The following CCDC63 variants were observed in gnomAD, a reference collection of about 807,000 sequenced individuals.
The protein encoded by CCDC63 is coiled-coil domain-containing protein 63.
In CCDC63, 54 loss-of-function variants were observed where a neutral mutation model predicts 63.6. That is an observed-to-expected ratio of 0.85 (90% CI 0.68 to 1.07). CCDC63 has a LOEUF of 1.07. Among genes scored for constraint, CCDC63 ranks in the 50% least tolerant of loss-of-function variants. The pLI is 0.00. For missense variants in CCDC63, 637 were observed against 689.6 expected, an observed-to-expected ratio of 0.92 and a Z score of 0.86; for synonymous variants, 253 against 266.1, an observed-to-expected ratio of 0.95 and a Z score of 0.48.
At chr12:110,850,437 T>C (rs1436150959) in intron 1 of CCDC63, among the ~76,000 whole-genome samples, 2 of 152,192 alleles carry the variant, frequency 1.3e-5, no homozygotes, top group African/African-American at 4.8e-5. Context: ...ATCTATCTCA[T>C]CCTTGCTTTT....
At chr12:110,874,593 CCT>C (rs752665120) in intron 5 of CCDC63, among the ~76,000 whole-genome samples, 2 of 152,238 alleles carry the variant, frequency 1.3e-5, no homozygotes, top group Non-Finnish European at 2.9e-5. Context: ...GTCCACCTCT[CCT>C]CTGAGTGGAT....
chr12:110,875,939 AAAAAAT>A (rs1258760640), intron 5 of CCDC63, among the ~76,000 whole-genome samples: 4 of 152,046 alleles, frequency 2.6e-5, no homozygotes, highest in African/African-American at 9.7e-5. Context: ...TAAAAATACA[AAAAAAT>A]AAAAATAAAA....
chr12:110,898,390 A>G (rs962888472), intron 9 of CCDC63, among the ~76,000 whole-genome samples: 4 of 151,438 alleles, frequency 2.6e-5, no homozygotes, highest in African/African-American at 7.3e-5. Flanking sequence ...TGAGAGGCCA[A>G]CGTGGGCAGA....
intron 7 of CCDC63, among the ~76,000 whole-genome samples, chr12:110,881,653 C>T (rs923746645): frequency 5.3e-5 from 8 of 151,710 alleles, no homozygotes; most frequent in Admixed American, 2.6e-4. Flanking sequence ...ACCCAGGAGG[C>T]AGAGGTTGCA....
intron 1 of CCDC63, among the ~76,000 whole-genome samples, chr12:110,847,760 G>A (rs79970822): frequency 0.016 from 2,375 of 152,320 alleles, 60 homozygotes; most frequent in African/African-American, 0.055. Context: ...GGCTCAATAT[G>A]ATCCACATAG....
chr12:110,855,837 T>C (rs1230373709), intron 3 of CCDC63, among the ~76,000 whole-genome samples: 1 of 152,160 alleles, frequency 6.6e-6, no homozygotes, highest in African/African-American at 2.4e-5. Flanking sequence ...CGCCTCGGCC[T>C]CCCAAAGTGC....
chr12:110,858,991 G>A (rs1304948094), intron 4 of CCDC63, among the ~76,000 whole-genome samples: 1 of 152,052 alleles, frequency 6.6e-6, no homozygotes, highest in African/African-American at 2.4e-5. Context: ...TCCCTCCGCC[G>A]TGCTCCCCAG....
chr12:110,864,787 A>G (rs2070918926), intron 4 of CCDC63, among the ~76,000 whole-genome samples: 1 of 152,138 alleles, frequency 6.6e-6, no homozygotes, highest in Non-Finnish European at 1.5e-5. Flanking sequence ...GCTGGGGTGG[A>G]GACCACCTTC....
chr12:110,897,417 A>G (rs1232684086), intron 9 of CCDC63, among the ~76,000 whole-genome samples: 1 of 151,816 alleles, frequency 6.6e-6, no homozygotes, highest in Admixed American at 6.6e-5. Flanking sequence ...GCAAGATCCC[A>G]TCTCTACAAA....
chr12:110,861,576 G>C (rs1357909972), intron 4 of CCDC63, among the ~76,000 whole-genome samples: 2 of 151,802 alleles, frequency 1.3e-5, no homozygotes, highest in East Asian at 3.9e-4. Flanking sequence ...CAGCTCAAAT[G>C]CTCTTTTTTT....
rs2071204801 is a variant in CCDC63 at position 110,881,250 on chromosome 12, G to A, written c.807G>A (p.Lys269=). ...ESKLKSFLLV[K]LNDRNEFEEQ... is the part of the protein sequence containing the mutation. ...AGCTCAAGTCCTTCCTGCTCGTCAA[G>A]CTGAATGATCGCAATGAATTCGAGG... The change falls in exon 7 of 12, where the codon AAG becomes AAA. Residue 269 remains lysine (K), a synonymous_variant. Transcript: ENST00000308208. The A allele has an allele frequency of 1.2e-6, 2 of 1,613,878 alleles. No individual in the cohort carries two copies. The highest frequency in any genetic ancestry group is 1.7e-6 in the Non-Finnish European group (2 of 1,179,926).
At chr12:110,854,361 C>T (rs142848474) in intron 3 of CCDC63, among the ~76,000 whole-genome samples, 2,250 of 134,436 alleles carry the variant, frequency 0.017, 55 homozygotes, top group African/African-American at 0.06. Flanking sequence ...ATGGCGTGAT[C>T]CCAGCTCACT....
intron 8 of CCDC63, 131 bp from the exon 9 acceptor site, chr12:110,892,945 C>T: frequency 1.5e-6 from 1 of 686,438 alleles, no homozygotes; most frequent in Non-Finnish European, 2.5e-6. Context: ...TAAGAGGGGC[C>T]CAGGTGTTTG....
chr12:110,905,910 T>TTATATTATATATAATA (rs1239021630), intron 11 of CCDC63, among the ~76,000 whole-genome samples: 11 of 56,998 alleles, frequency 1.9e-4, no homozygotes, highest in South Asian at 7.0e-4. Context: ...ATAATATATA[T>TTATATTATATATAATA]TATATTATAT....
intron 9 of CCDC63, among the ~76,000 whole-genome samples, chr12:110,898,300 A>T (rs1054560092): frequency 2.7e-5 from 4 of 149,780 alleles, no homozygotes; most frequent in African/African-American, 9.9e-5. Flanking sequence ...AAAATAAATA[A>T]ATAAAAATTA....
At chr12:110,857,821 G>T (rs1455902396) in intron 3 of CCDC63, among the ~76,000 whole-genome samples, 1 of 152,078 alleles carries the variant, frequency 6.6e-6, no homozygotes, top group Non-Finnish European at 1.5e-5. Flanking sequence ...GAAAAATCCT[G>T]CCTGGCCAGG....
chr12:110,905,783 C>G (rs193216360), intron 11 of CCDC63, among the ~76,000 whole-genome samples: 1 of 141,972 alleles, frequency 7.0e-6, no homozygotes, highest in African/African-American at 2.6e-5. Context: ...AAAACATTCT[C>G]TACATATGCA....
intron 4 of CCDC63, among the ~76,000 whole-genome samples, chr12:110,864,854 AG>A (rs1457671407): frequency 6.6e-6 from 1 of 152,148 alleles, no homozygotes; most frequent in Non-Finnish European, 1.5e-5. Context: ...GGAAGTGCAA[AG>A]GTAAGGCAAA....
intron 4 of CCDC63, among the ~76,000 whole-genome samples, chr12:110,873,522 T>A (rs66929071): frequency 0.22 from 33,491 of 152,120 alleles, 3,978 homozygotes; most frequent in African/African-American, 0.29. Flanking sequence ...GTAGGCAGAA[T>A]GTATGTCATT....
Sources: allele counts gnomAD v4.1 joint callset (sites outside exome capture counted in the v4.1 genomes callset), GRCh38; gene constraint gnomAD v4.1.1; transcripts MANE v1.5; gene names NCBI Gene and HGNC (gene_info 2026-07-23, HGNC 2026-07-21).